The following GOLGA1 variants were observed in gnomAD, a reference collection of about 807,000 sequenced individuals.
The protein encoded by GOLGA1 is golgin A1.
GOLGA1 carries 63 observed loss-of-function variants against 119.7 expected under a neutral mutation model. The observed-to-expected ratio is 0.53, with a 90% CI of 0.43 to 0.65. The LOEUF (loss-of-function observed/expected upper bound fraction) is 0.65. GOLGA1 is among the 30% of genes least tolerant of loss of function. The pLI is 0.00. For missense variants in GOLGA1, 798 were observed against 912.8 expected, an observed-to-expected ratio of 0.87 and a Z score of 1.62; for synonymous variants, 318 against 333.4, an observed-to-expected ratio of 0.95 and a Z score of 0.50.
In GOLGA1 at chr9:124,929,207, A is replaced by G. The variant is rs751616188; in HGVS notation, c.301+9T>C. The G allele has an allele frequency of 6.5e-7, 1 of 1,548,236 alleles. No individual in the cohort carries two copies. Among genetic ancestry groups the G allele is most frequent in the African/African-American group, 1.4e-5 (1 of 73,552 alleles). On this transcript the variant is annotated intron_variant, in intron 5 of 22. Coordinates refer to ENST00000373555, the MANE Select transcript of GOLGA1 (RefSeq NM_002077.4). ...AAAAGATTGAAAAAAGCAGGAAAAAAATACGTACAATCCTGGTGTTTTTCT... is the reference window on the plus strand; with the variant it reads ...AAAAGATTGAAAAAAGCAGGAAAAAGATACGTACAATCCTGGTGTTTTTCT...
chr9:124,904,104 AAGG>A (rs1301970837), intron 12 of GOLGA1, among the ~76,000 whole-genome samples: 3 of 152,000 alleles, frequency 2.0e-5, no homozygotes, highest in African/African-American at 7.3e-5. Context: ...AAAAAAAAAA[AAGG>A]AATGAAAGTC....
chr9:124,931,003 T>C (rs1011258973), intron 4 of GOLGA1, among the ~76,000 whole-genome samples: 1 of 152,220 alleles, frequency 6.6e-6, no homozygotes, highest in Non-Finnish European at 1.5e-5. Context: ...GCCATCCCTT[T>C]CCACCTGAAA....
chr9:124,902,804 T>A (rs547412783), intron 12 of GOLGA1, among the ~76,000 whole-genome samples: 2 of 152,244 alleles, frequency 1.3e-5, no homozygotes, highest in Admixed American at 6.5e-5. Context: ...GAGGACGTTT[T>A]TAAGGCCTAG....
Position 124,881,118 on chromosome 9 carries a change from G to A in GOLGA1, c.2223+53C>T. 1.0e-6 allele frequency: 1 copy of A among 954,356 alleles called. No homozygotes were observed. The highest frequency in any genetic ancestry group is 1.7e-6 in the Non-Finnish European group (1 of 576,322). 59.1% of individuals were successfully genotyped at this position (954,356 alleles called of 1,614,324 possible). ...AAGGGGTCTTACACTGCTACTGCTGGGATAACTGACAACGTATCTTGGAAG... is the reference window on the plus strand; with the variant it reads ...AAGGGGTCTTACACTGCTACTGCTGAGATAACTGACAACGTATCTTGGAAG... On this transcript the variant is annotated intron_variant, in intron 22 of 22. Transcript: ENST00000373555. The surrounding 1 kb of genome is among the most constrained non-coding windows in gnomAD (Gnocchi z 4.9).
intron 10 of GOLGA1, among the ~76,000 whole-genome samples, chr9:124,918,751 G>A (rs1456176571): frequency 6.6e-6 from 1 of 151,964 alleles, no homozygotes; most frequent in African/African-American, 2.4e-5. Flanking sequence ...GTGAGACCCT[G>A]TCTCAGAAAA....
Position 124,890,432 on chromosome 9 carries a change from G to A in GOLGA1, c.1454C>T (p.Ala485Val). The A allele has an allele frequency of 6.2e-7, 1 of 1,613,826 alleles. No homozygotes were observed. The stretch of plus-strand genomic sequence containing the variant: ...CCTTTGCTTCCGCACCTCCTCCAGG[G>A]CTTGAGCCATGGCCACGCTCACAAT... ...REIVSVAMAQ[A>V]LEEVRKQREE... The change falls in exon 16 of 23, where the codon GCC becomes GTC. Residue 485 changes from alanine to valine, a missense_variant. Ala to Val is a moderately conservative substitution (Grantham distance 64). Transcript: ENST00000373555.
chr9:124,878,961 GTC>G lies in GOLGA1; in HGVS notation c.*1567_*1568del, dbSNP rs1213570050. ...TTCGTGTTCTAAACAAGGGATAACT[GTC>G]TGCAAGGAGGAGCCAGAGGAGGAGG... is the stretch of plus-strand genomic sequence containing the variant. On this transcript the variant is annotated 3_prime_UTR_variant, in exon 23 of 23. Transcript: ENST00000373555. 1 of 152,236 alleles carries G rather than the reference GTC, an allele frequency of 6.6e-6. No individual in the cohort carries two copies. Among genetic ancestry groups the G allele is most frequent in the African/African-American group, 2.4e-5 (1 of 41,452 alleles). The allele number at this position is 152,236 out of a possible 1,614,324, so 9.4% of individuals were successfully genotyped here. A position where few individuals can be genotyped will look rare whatever the true frequency, so the allele number is the denominator to read the frequency against.
Position 124,899,467 on chromosome 9 carries a change from G to A in GOLGA1, c.1173C>T (p.Asn391=). ...ETQIQELAAA[N]QESSHVQQQA... Reference sequence around the variant, plus strand: ...GCTGCTGCACATGGCTGCTCTCCTGGTTGGCGGCAGCCTGCGGGGAGACCA... The same window carrying A: ...GCTGCTGCACATGGCTGCTCTCCTGATTGGCGGCAGCCTGCGGGGAGACCA... Residue 391 remains asparagine (N), a synonymous_variant, in exon 14 of 23, where the codon AAC becomes AAT. Coordinates refer to ENST00000373555, the MANE Select transcript of GOLGA1 (RefSeq NM_002077.4). The A allele has an allele frequency of 3.2e-6, 5 of 1,546,536 alleles. No individual in the cohort carries two copies. The highest frequency in any genetic ancestry group is 3.5e-6 in the Non-Finnish European group (4 of 1,149,322).
rs1829519291 is a variant in GOLGA1 at position 124,879,367 on chromosome 9, A to T, written c.*1163T>A. ...GTTTTTGTTGGTTACTACCAGAGTC[A>T]TGTGCATGCTACAAGTGCTGCAGCC... is the stretch of plus-strand genomic sequence containing the variant. On this transcript the variant is annotated 3_prime_UTR_variant, in exon 23 of 23. Coordinates refer to ENST00000373555, the MANE Select transcript of GOLGA1 (RefSeq NM_002077.4). 1 of 152,100 alleles carries T rather than the reference A, an allele frequency of 6.6e-6. No homozygotes were observed. The highest frequency in any genetic ancestry group is 1.5e-5 in the Non-Finnish European group (1 of 68,006). The allele number at this position is 152,100 out of a possible 1,614,324, so 9.4% of individuals were successfully genotyped here.
chr9:124,923,948 C>T (rs1830621027), intron 7 of GOLGA1, among the ~76,000 whole-genome samples: 1 of 152,116 alleles, frequency 6.6e-6, no homozygotes, highest in South Asian at 2.1e-4. Flanking sequence ...CTCTGCCTCC[C>T]AGGTTGAAGT....
intron 10 of GOLGA1, among the ~76,000 whole-genome samples, chr9:124,918,470 A>G (rs1262766796): frequency 6.6e-6 from 1 of 152,224 alleles, no homozygotes; most frequent in Non-Finnish European, 1.5e-5. Flanking sequence ...TTGACATCAA[A>G]GGGTCCCTTG....
At chr9:124,885,852 G>A (rs1340643948) in intron 19 of GOLGA1, among the ~76,000 whole-genome samples, 1 of 152,144 alleles carries the variant, frequency 6.6e-6, no homozygotes, top group Non-Finnish European at 1.5e-5. Context: ...TTTCATCAGA[G>A]GGCTAAGACA....
intron 11 of GOLGA1, among the ~76,000 whole-genome samples, chr9:124,911,270 G>A (rs532073372): frequency 2.0e-5 from 3 of 152,148 alleles, no homozygotes; most frequent in Non-Finnish European, 4.4e-5. Flanking sequence ...ACAACCAGTG[G>A]CACTGGAGAT....
At chr9:124,902,059 C>T (rs1466098232) in intron 12 of GOLGA1, among the ~76,000 whole-genome samples, 4 of 152,200 alleles carry the variant, frequency 2.6e-5, no homozygotes, top group African/African-American at 7.2e-5. Flanking sequence ...ATGAATTTCT[C>T]TTAGAAAGCC....
At position 124,878,919 on chromosome 9, in the gene GOLGA1, C is replaced by T. The variant is rs1234579859; in HGVS notation, c.*1611G>A. The T allele has an allele frequency of 1.3e-5, 2 of 152,206 alleles. No individual in the cohort carries two copies. Among genetic ancestry groups the T allele is most frequent in the African/African-American group, 4.8e-5 (2 of 41,442 alleles). 9.4% of individuals were successfully genotyped at this position (152,206 alleles called of 1,614,324 possible). Reference sequence around the variant, plus strand: ...AGAAGAGACTCCTGTTTCGTGTTCCCACCAGGTAAATGGAAATTCGTGTTC... The same window carrying T: ...AGAAGAGACTCCTGTTTCGTGTTCCTACCAGGTAAATGGAAATTCGTGTTC... On this transcript the variant is annotated 3_prime_UTR_variant, in exon 23 of 23. Coordinates refer to ENST00000373555, the MANE Select transcript of GOLGA1 (RefSeq NM_002077.4).
chr9:124,941,165 C>T (rs1831013221), upstream of GOLGA1: 1 of 152,322 alleles, frequency 6.6e-6, no homozygotes, highest in Non-Finnish European at 1.5e-5. Flanking sequence ...CGTGCGCGGC[C>T]TTGGCGGCTA....
chr9:124,891,782 C>G (rs1409689629), intron 15 of GOLGA1, among the ~76,000 whole-genome samples: 1 of 149,264 alleles, frequency 6.7e-6, no homozygotes, highest in Non-Finnish European at 1.5e-5. Flanking sequence ...GTAGCTGGGA[C>G]TACAGGCATG....
chr9:124,923,019 TAG>T (rs1830600895), intron 8 of GOLGA1, 74 bp downstream of exon 8: 3 of 910,536 alleles, frequency 3.3e-6, no homozygotes, highest in Admixed American at 2.2e-5. Flanking sequence ...TATCAGCAAT[TAG>T]AGAGTGATGA....
At chr9:124,928,643 A>G (rs193076657) in intron 5 of GOLGA1, among the ~76,000 whole-genome samples, 1 of 152,362 alleles carries the variant, frequency 6.6e-6, no homozygotes, top group East Asian at 1.9e-4. Flanking sequence ...CCACTTTATC[A>G]GAATTAAAAA....
Sources: allele counts gnomAD v4.1 joint callset (sites outside exome capture counted in the v4.1 genomes callset), GRCh38; gene constraint gnomAD v4.1.1; non-coding constraint Gnocchi (gnomAD v3.1); transcripts MANE v1.5; gene names NCBI Gene and HGNC (gene_info 2026-07-23, HGNC 2026-07-21).